SLC24A4: variants seen among roughly 807,000 people sequenced by gnomAD.
SLC24A4 encodes sodium/potassium/calcium exchanger 4.
In SLC24A4, 53 loss-of-function variants were observed where a neutral mutation model predicts 79.0. The observed-to-expected ratio is 0.67, with a 90% CI of 0.54 to 0.84. The LOEUF is 0.84. Ranked by LOEUF, SLC24A4 falls within the 40% of genes least tolerant of loss-of-function variation. The pLI is 0.00. For missense variants in SLC24A4, 731 were observed against 822.0 expected (o/e 0.89, Z 1.35); for synonymous variants, 323 against 323.8 (o/e 1.00, Z 0.03).
At chr14:92,397,630 A>T (rs2141754047) in intron 2 of SLC24A4, among the ~76,000 whole-genome samples, 1 of 152,180 alleles carries the variant, frequency 6.6e-6, no homozygotes, top group African/African-American at 2.4e-5. Flanking sequence ...GTGGACAGAG[A>T]TGGTGTGTGG....
At chr14:92,428,138 G>A (rs987527284) in intron 2 of SLC24A4, among the ~76,000 whole-genome samples, 5 of 152,206 alleles carry the variant, frequency 3.3e-5, no homozygotes, top group African/African-American at 9.6e-5. Flanking sequence ...AGTGGGAAAC[G>A]GAATGATCAA....
chr14:92,432,202 C>T (rs1246848335), intron 2 of SLC24A4, among the ~76,000 whole-genome samples: 1 of 152,104 alleles, frequency 6.6e-6, no homozygotes, highest in Non-Finnish European at 1.5e-5. Flanking sequence ...CATGGGTGTG[C>T]AGAGCAAGGT....
At chr14:92,454,183 C>A (rs1893324449) in intron 11 of SLC24A4, 114 bp downstream of exon 11, 6 of 1,137,170 alleles carry the variant, frequency 5.3e-6, no homozygotes, top group Non-Finnish European at 7.3e-6. Context: ...GAAGGATGCC[C>A]TGGGGCCTCC....
At position 92,489,704 on chromosome 14, in the gene SLC24A4, A is replaced by G. The variant is rs1159212655; in HGVS notation, c.1538-1961A>G. ...CCCCCAGGTGATTCCTGTTCTCACT[A>G]AAATTTGAGTCGCACTGCCCTAGAA... is the stretch of plus-strand genomic sequence containing the variant. On this transcript the variant is annotated intron_variant, in intron 14 of 16. Transcript: ENST00000532405. Among the ~76,000 whole-genome samples the G allele has an allele frequency of 3.3e-5, 5 of 152,188 alleles. No homozygotes were observed. The South Asian group carries it at 1.0e-3, about 32-fold the overall frequency.
intron 8 of SLC24A4, 79 bp from the exon 9 acceptor site, chr14:92,447,292 C>A (rs1595296468): frequency 7.5e-7 from 1 of 1,333,378 alleles, no homozygotes; most frequent in Non-Finnish European, 1.1e-6. Flanking sequence ...CGCCCTTCCC[C>A]ACTTCTGGAC....
At chr14:92,332,341 G>A (rs1467461024) in intron 2 of SLC24A4, among the ~76,000 whole-genome samples, 1 of 152,122 alleles carries the variant, frequency 6.6e-6, no homozygotes, top group Non-Finnish European at 1.5e-5. Flanking sequence ...AATCAGTAAG[G>A]CTTCTGGTCA....
At chr14:92,454,188 G>GCATCCTT in intron 11 of SLC24A4, 119 bp downstream of exon 11, 1 of 1,009,522 alleles carries the variant, frequency 9.9e-7, no homozygotes, top group Non-Finnish European at 1.4e-6. Flanking sequence ...ATGCCCTGGG[G>GCATCCTT]CCTCCAGAAG....
At chr14:92,440,689 T>C (rs762155926) in intron 4 of SLC24A4, among the ~76,000 whole-genome samples, 5 of 151,898 alleles carry the variant, frequency 3.3e-5, no homozygotes, top group Non-Finnish European at 7.4e-5. Context: ...GTCTTAGCTC[T>C]GTAGGTAAGA....
At chr14:92,449,000 G>C (rs1892973016) in intron 9 of SLC24A4, 74 bp from the exon 10 acceptor site, 1 of 1,571,960 alleles carries the variant, frequency 6.4e-7, no homozygotes, top group Admixed American at 1.7e-5. Context: ...CAGGGATGGG[G>C]TGTGATCCAC....
chr14:92,455,459 T>A (rs1378033029), intron 11 of SLC24A4, among the ~76,000 whole-genome samples: 1 of 152,208 alleles, frequency 6.6e-6, no homozygotes, highest in Non-Finnish European at 1.5e-5. Context: ...TGCAACAAGC[T>A]GGGTGAATCT....
intron 2 of SLC24A4, 124 bp from the exon 3 acceptor site, chr14:92,433,785 CCTT>C: frequency 1.3e-6 from 1 of 758,430 alleles, no homozygotes; most frequent in Non-Finnish European, 2.4e-6. Flanking sequence ...AAATGGCTGG[CCTT>C]CTCTCTGATC....
chr14:92,479,264 G>A (rs1894931576), intron 12 of SLC24A4, among the ~76,000 whole-genome samples: 1 of 152,044 alleles, frequency 6.6e-6, no homozygotes, highest in South Asian at 2.1e-4. Context: ...TCTTGTTTCT[G>A]ATTTTGCAGT....
chr14:92,413,592 C>T (rs1055389913), intron 2 of SLC24A4, among the ~76,000 whole-genome samples: 17 of 152,208 alleles, frequency 1.1e-4, no homozygotes, highest in African/African-American at 7.2e-5. Flanking sequence ...AGGTTGCAAA[C>T]GTTGCCTGAT....
At position 92,364,337 on chromosome 14, in the gene SLC24A4, CT is replaced by C. The variant is rs566317773; in HGVS notation, c.241+38360del. ...GACCCCCATCCTCTCTGCTAGACTC[CT>C]GGGGGCAGAGCAGGGTGGGAAAGAC... is the stretch of plus-strand genomic sequence containing the variant. On this transcript the variant is annotated intron_variant, in intron 2 of 16. Transcript: ENST00000532405. 2.9e-4 allele frequency among the ~76,000 whole-genome samples: 44 copies of C among 152,208 alleles called. No homozygotes were observed. In the South Asian group the frequency reaches 9.1e-3, roughly 32 times the overall value.
chr14:92,460,784 G>A (rs1226376250), intron 12 of SLC24A4, among the ~76,000 whole-genome samples: 1 of 152,204 alleles, frequency 6.6e-6, no homozygotes, highest in Admixed American at 6.5e-5. Flanking sequence ...TAAGTGGGGA[G>A]GTGGGAGGCC....
chr14:92,424,046 C>T lies in SLC24A4; in HGVS notation c.242-9866C>T, dbSNP rs143579177. ...CACTCCTTGGCTTGCAGACATACCACTCCAACCTCTGCCTTCGTCATCCCA... is the reference window on the plus strand; with the variant it reads ...CACTCCTTGGCTTGCAGACATACCATTCCAACCTCTGCCTTCGTCATCCCA... On this transcript the variant is annotated intron_variant, in intron 2 of 16. Transcript: ENST00000532405. 8.5e-3 allele frequency among the ~76,000 whole-genome samples: 1,295 copies of T among 152,294 alleles called. 21 individuals carry two copies. The highest frequency in any genetic ancestry group is 0.03 in the African/African-American group (1,236 of 41,562).
rs1401437997 is a variant in SLC24A4, at chr14:92,487,418, AAT to A, written c.1537+640_1537+641del. 2.1e-5 allele frequency among the ~76,000 whole-genome samples: 3 copies of A among 143,666 alleles called. No homozygotes were observed. The Admixed American group carries it at 2.1e-4, about 10-fold the overall frequency. The allele number at this position is 143,666 out of a possible 152,430, so 94.3% of individuals were successfully genotyped here. ...GAAAGTATAGGGATGGGGATGGGTG[AAT>A]AATGGCGTAAAATCTCACAGGAGAC... On this transcript the variant is annotated intron_variant, in intron 14 of 16. Transcript: ENST00000532405.
intron 2 of SLC24A4, among the ~76,000 whole-genome samples, chr14:92,390,496 A>G (rs566688364): frequency 2.2e-4 from 33 of 152,174 alleles, no homozygotes; most frequent in Non-Finnish European, 4.1e-4. Context: ...TCCCCGAGTT[A>G]AGATCTGACA....
chr14:92,412,271 T>G lies in SLC24A4; in HGVS notation c.242-21641T>G, dbSNP rs75649708. 3.1e-3 allele frequency among the ~76,000 whole-genome samples: 478 copies of G among 152,250 alleles called. 1 individual carries two copies. Among genetic ancestry groups the G allele is most frequent in the African/African-American group, 0.011 (451 of 41,548 alleles). Reference sequence around the variant, plus strand: ...GCTCTTACCCGAAACGCATCTATAGTTGGTGGCCCCAAGAGCCTGCTGTCT... The same window carrying G: ...GCTCTTACCCGAAACGCATCTATAGGTGGTGGCCCCAAGAGCCTGCTGTCT... On this transcript the variant is annotated intron_variant, in intron 2 of 16. Coordinates refer to ENST00000532405, the MANE Select transcript of SLC24A4 (RefSeq NM_153646.4).
Sources: allele counts gnomAD v4.1 joint callset (sites outside exome capture counted in the v4.1 genomes callset), GRCh38; gene constraint gnomAD v4.1.1; transcripts MANE v1.5; gene names NCBI Gene and HGNC (gene_info 2026-07-23, HGNC 2026-07-21).